Variants in USB1 observed in about 807,000 individuals in gnomAD.
USB1 encodes the protein U6 snRNA biogenesis phosphodiesterase 1, also known as U6 snRNA phosphodiesterase 1.
A neutral mutation model predicts 29.9 loss-of-function variants in USB1; 21 were observed. That is an observed-to-expected ratio of 0.70 (90% CI 0.50 to 1.01). The LOEUF (loss-of-function observed/expected upper bound fraction) is 1.01, where lower values mean the gene tolerates loss of function less well. Among genes scored for constraint, USB1 ranks in the 50% least tolerant of loss-of-function variants. The pLI, the probability that USB1 is intolerant of heterozygous loss-of-function variation, is 0.00. For missense variants in USB1, 330 were observed against 347.1 expected, an observed-to-expected ratio of 0.95 and a Z score of 0.39; for synonymous variants, 143 against 134.9, an observed-to-expected ratio of 1.06 and a Z score of -0.42.
At position 58,013,632 on chromosome 16, in the gene USB1, T is replaced by C. The variant is rs73546967; in HGVS notation, c.450-641T>C. 8.5e-4 allele frequency: 838 copies of C among 986,044 alleles called. 10 individuals are homozygous for C. In the African/African-American group the frequency reaches 0.014, roughly 16 times the overall value. The allele number at this position is 986,044 out of a possible 1,614,324, so 61.1% of individuals were successfully genotyped here. On this transcript the variant is annotated intron_variant, in intron 3 of 6. Coordinates refer to ENST00000219281, the MANE Select transcript of USB1 (RefSeq NM_024598.4). This position sits in a 1 kb window ranked among gnomAD's most constrained non-coding sequence, Gnocchi z 4.3. ...GGTGGGTGGGGGCATCTGTCTCGAT[T>C]TCACACCAACAGACCTATTCCCCTC...
intron 2 of USB1, among the ~76,000 whole-genome samples, chr16:58,005,483 T>G (rs1190363190): frequency 2.6e-5 from 4 of 152,242 alleles, no homozygotes; most frequent in South Asian, 2.1e-4. Context: ...CACTCTTGTC[T>G]TCTGGTCACT....
chr16:58,013,420 G>T lies in USB1; in HGVS notation c.450-853G>T, dbSNP rs1963542548. On this transcript the variant is annotated intron_variant, in intron 3 of 6. Coordinates refer to ENST00000219281, the MANE Select transcript of USB1 (RefSeq NM_024598.4). This position sits in a 1 kb window ranked among gnomAD's most constrained non-coding sequence, Gnocchi z 4.3. ...TTGTGAGGCTCTACCCAGCATGCTG[G>T]TATATTATGTTCCCTCAGATGGGGG... is the stretch of plus-strand genomic sequence containing the variant. 2.0e-6 allele frequency: 2 copies of T among 985,446 alleles called. No individual in the cohort carries two copies. The highest frequency in any genetic ancestry group is 1.7e-5 in the African/African-American group (1 of 57,352). The allele number at this position is 985,446 out of a possible 1,614,324, so 61.0% of individuals were successfully genotyped here. A position where few individuals can be genotyped will look rare whatever the true frequency, so the allele number is the denominator to read the frequency against.
upstream of USB1, chr16:58,001,339 T>C (rs1567415291): frequency 2.2e-6 from 2 of 923,898 alleles, no homozygotes; most frequent in Admixed American, 4.0e-5. Context: ...ACCACTGTCC[T>C]GCCGGGTTCC....
At chr16:58,012,207 G>T (rs776874061) in intron 3 of USB1, 3 of 1,500,162 alleles carry the variant, frequency 2.0e-6, no homozygotes, top group Non-Finnish European at 1.8e-6. Flanking sequence ...CCAGACACTC[G>T]GCCAGGGAAT....
chr16:58,006,212 C>T lies in USB1; in HGVS notation c.265+3567C>T, dbSNP rs548006556. ...TACTAAAAATACAAAATTAGCCAGCCGTGGTGGGACATGCCTGTAGTCCCA... is the reference window on the plus strand; with the variant it reads ...TACTAAAAATACAAAATTAGCCAGCTGTGGTGGGACATGCCTGTAGTCCCA... On this transcript the variant is annotated intron_variant, in intron 2 of 6. Transcript: ENST00000219281. 2.0e-3 allele frequency among the ~76,000 whole-genome samples: 305 copies of T among 151,672 alleles called. 1 individual carries two copies. Among genetic ancestry groups the T allele is most frequent in the Middle Eastern group, 6.8e-3 (2 of 292 alleles).
At chr16:58,004,076 T>A (rs899766272) in intron 2 of USB1, among the ~76,000 whole-genome samples, 1 of 152,206 alleles carries the variant, frequency 6.6e-6, no homozygotes, top group African/African-American at 2.4e-5. Flanking sequence ...AATCTTACAG[T>A]TTTGCATTTT....
intron 3 of USB1, chr16:58,010,769 G>A: frequency 1.9e-6 from 1 of 530,324 alleles, no homozygotes; most frequent in Non-Finnish European, 3.4e-6. Context: ...AGGTCTGGAA[G>A]GGTCCCGAGC....
At chr16:58,011,978 C>A in intron 3 of USB1, 3 of 1,094,324 alleles carry the variant, frequency 2.7e-6, no homozygotes, top group Non-Finnish European at 3.3e-6. Context: ...CTGACCCTGC[C>A]TTTATCAGCA....
Position 58,013,473 on chromosome 16 carries a change from ATGATC to A in USB1, c.450-797_450-793del. 1 of 985,560 alleles carries A rather than the reference ATGATC, an allele frequency of 1.0e-6. No homozygotes were observed. Among genetic ancestry groups the A allele is most frequent in the South Asian group, 4.7e-5 (1 of 21,284 alleles). 61.1% of individuals were successfully genotyped at this position (985,560 alleles called of 1,614,324 possible). On this transcript the variant is annotated intron_variant, in intron 3 of 6. Transcript: ENST00000219281. The surrounding 1 kb of genome is among the most constrained non-coding windows in gnomAD (Gnocchi z 4.3). ...AGACCCTTGGCCTGGGGGCTGTAAA[ATGATC>A]TGTTTCTGTGAGGAGACTTTCCATG...
At chr16:58,018,087 C>T (rs1460082232) in intron 5 of USB1, among the ~76,000 whole-genome samples, 1 of 152,160 alleles carries the variant, frequency 6.6e-6, no homozygotes, top group African/African-American at 2.4e-5. Context: ...CAGGGAAAGC[C>T]TCTGTGAATA....
chr16:58,020,346 C>T lies in USB1; in HGVS notation c.*101C>T. 1 of 1,150,856 alleles carries T rather than the reference C, an allele frequency of 8.7e-7. No homozygotes were observed. Among genetic ancestry groups the T allele is most frequent in the South Asian group, 1.3e-5 (1 of 77,094 alleles). The allele number at this position is 1,150,856 out of a possible 1,614,324, so 71.3% of individuals were successfully genotyped here. On this transcript the variant is annotated 3_prime_UTR_variant, in exon 7 of 7. Transcript: ENST00000219281. ...ATGCTTCTAGCCTCCCAGTAGGAGG[C>T]CCCAGCCATGCCTTCAACCTGGCAG...
rs1203930955 is a variant in USB1, at chr16:58,013,029, TG to T, written c.450-1243del. ...CCCTCTGAGGAAAGGATCTGTGTCA[TG>T]AGTGAAGCCCGGGCAGGTGTGGTCT... On this transcript the variant is annotated intron_variant, in intron 3 of 6. Transcript: ENST00000219281. This position sits in a 1 kb window ranked among gnomAD's most constrained non-coding sequence, Gnocchi z 4.3. The T allele has an allele frequency of 1.0e-6, 1 of 985,508 alleles. No homozygotes were observed. The highest frequency in any genetic ancestry group is 1.2e-6 in the Non-Finnish European group (1 of 830,102). 61.0% of individuals were successfully genotyped at this position (985,508 alleles called of 1,614,324 possible). A position where few individuals can be genotyped will look rare whatever the true frequency, so the allele number is the denominator to read the frequency against.
At chr16:58,012,323 G>A (rs1290403798) in intron 3 of USB1, 3 of 1,535,252 alleles carry the variant, frequency 2.0e-6, no homozygotes, top group East Asian at 2.4e-5. Flanking sequence ...AACCACAGGT[G>A]CCAGAAGCCC....
intron 2 of USB1, among the ~76,000 whole-genome samples, chr16:58,006,356 AAAAAAAAAAAAC>A (rs1320329442): frequency 6.9e-6 from 1 of 144,426 alleles, no homozygotes; most frequent in Non-Finnish European, 1.5e-5. Flanking sequence ...TCGTTTCAAA[AAAAAAAAAAAAC>A]AAAAAAAAAA....
intron 3 of USB1, chr16:58,010,895 C>T: frequency 3.0e-6 from 2 of 665,082 alleles, no homozygotes; most frequent in South Asian, 1.6e-5. Flanking sequence ...TTTACGGAGG[C>T]TTCATCACAT....
chr16:58,002,604 C>T lies in USB1; in HGVS notation c.224C>T (p.Pro75Leu), dbSNP rs763524876. ...TKHGGRVRTF[P>L]HERGNWATHV... ...CACGGGGGACGGGTGCGCACCTTCCCCCACGAGCGAGGCAACTGGGCCACC... is the reference window on the plus strand; with the variant it reads ...CACGGGGGACGGGTGCGCACCTTCCTCCACGAGCGAGGCAACTGGGCCACC... Residue 75 changes from proline to leucine, a missense_variant, in exon 2 of 7, where the codon CCC (proline) becomes CTC (leucine). Coordinates refer to ENST00000219281, the MANE Select transcript of USB1 (RefSeq NM_024598.4). 90 of 1,614,002 alleles carry T rather than the reference C, an allele frequency of 5.6e-5. No individual in the cohort carries two copies. The highest frequency in any genetic ancestry group is 7.5e-5 in the Non-Finnish European group (89 of 1,180,032).
upstream of USB1, among the ~76,000 whole-genome samples, chr16:58,000,226 A>G (rs1458178083): frequency 6.6e-6 from 1 of 151,968 alleles, no homozygotes; most frequent in Non-Finnish European, 1.5e-5. The surrounding 1 kb of genome is among the most constrained non-coding windows in gnomAD (Gnocchi z 4.5). Context: ...CCAGGGCTAC[A>G]GGCCGGGCCC....
chr16:58,001,746 C>G (rs910182769), intron 1 of USB1, among the ~76,000 whole-genome samples, 165 bp downstream of exon 1: 6 of 151,624 alleles, frequency 4.0e-5, no homozygotes, highest in African/African-American at 1.2e-4. Flanking sequence ...CCCCTCCCCC[C>G]CACCCCAGAC....
chr16:58,004,439 T>G (rs1403266245), intron 2 of USB1, among the ~76,000 whole-genome samples: 3 of 152,152 alleles, frequency 2.0e-5, no homozygotes, highest in Non-Finnish European at 2.9e-5. Context: ...CTGGGTTTTT[T>G]GGGGGCTTTT....
Sources: allele counts gnomAD v4.1 joint callset (sites outside exome capture counted in the v4.1 genomes callset), GRCh38; gene constraint gnomAD v4.1.1; non-coding constraint Gnocchi (gnomAD v3.1); transcripts MANE v1.5; gene names NCBI Gene and HGNC (gene_info 2026-07-23, HGNC 2026-07-21).